The following SCN8A variants were observed in gnomAD, a reference collection of about 807,000 sequenced individuals.
SCN8A encodes sodium channel protein type 8 subunit alpha.
A neutral mutation model predicts 184.1 loss-of-function variants in SCN8A; 30 were observed. That is an observed-to-expected ratio of 0.16 (90% CI 0.12 to 0.22). SCN8A has a LOEUF of 0.22. Among genes scored for constraint, SCN8A ranks in the 10% least tolerant of loss-of-function variants. SCN8A has a pLI of 1.00. For synonymous variants in SCN8A, 852 were observed against 907.0 expected (o/e 0.94, Z 1.09); for missense variants, 1,057 against 2,498.9 (o/e 0.42, Z 12.30).
rs936797490 is a variant in SCN8A, at chr12:51,599,153, C to T, written c.-55+7794C>T. Among the ~76,000 whole-genome samples, 13 of 152,210 alleles carry T rather than the reference C, an allele frequency of 8.5e-5. No individual in the cohort carries two copies. In the East Asian group the frequency reaches 2.5e-3, roughly 29 times the overall value. On this transcript the variant is annotated intron_variant, in intron 1 of 26. Coordinates refer to ENST00000627620, the MANE Select transcript of SCN8A (RefSeq NM_001330260.2). ...AAATCGCCTGCTTGACCACATCAGTCAACAAATATTTAGCGAGTAGCAACT... is the reference window on the plus strand; with the variant it reads ...AAATCGCCTGCTTGACCACATCAGTTAACAAATATTTAGCGAGTAGCAACT...
intron 19 of SCN8A, among the ~76,000 whole-genome samples, chr12:51,771,914 A>G (rs751554870): frequency 6.6e-6 from 1 of 152,196 alleles, no homozygotes; most frequent in Non-Finnish European, 1.5e-5. Context: ...AAAAATCTAA[A>G]CAGTATGACC....
chr12:51,779,231 A>AAG (rs1422492155), intron 20 of SCN8A, among the ~76,000 whole-genome samples: 2 of 151,612 alleles, frequency 1.3e-5, no homozygotes, highest in East Asian at 1.9e-4. Flanking sequence ...AAAAAAAAAA[A>AAG]AAAAAATAGA....
chr12:51,792,649 C>T (rs1235752182), intron 25 of SCN8A, among the ~76,000 whole-genome samples: 3 of 152,006 alleles, frequency 2.0e-5, no homozygotes, highest in Non-Finnish European at 4.4e-5. Flanking sequence ...CCAGGTGTCT[C>T]CCCGTAAGCC....
intron 2 of SCN8A, among the ~76,000 whole-genome samples, chr12:51,676,294 T>C (rs1941222058): frequency 6.6e-6 from 1 of 152,194 alleles, no homozygotes; most frequent in Non-Finnish European, 1.5e-5. Flanking sequence ...ATAACCTATA[T>C]TGTAATTTTA....
intron 21 of SCN8A, among the ~76,000 whole-genome samples, chr12:51,782,570 A>G (rs1937954992): frequency 6.6e-6 from 1 of 152,222 alleles, no homozygotes; most frequent in Non-Finnish European, 1.5e-5. Flanking sequence ...TCTTCCAAAA[A>G]GAGATTGGTA....
intron 12 of SCN8A, among the ~76,000 whole-genome samples, chr12:51,740,839 G>T (rs995529907): frequency 2.6e-5 from 4 of 152,110 alleles, no homozygotes; most frequent in Admixed American, 6.5e-5. Context: ...GGTTGGAGTG[G>T]AGTGGTGCGA....
chr12:51,794,593 A>G lies in SCN8A; in HGVS notation c.4747A>G (p.Ile1583Val), dbSNP rs1321044528. The G allele has an allele frequency of 6.2e-7, 1 of 1,613,990 alleles. No homozygotes were observed. Residue 1583 changes from isoleucine (I) to valine (V), a missense_variant, in exon 26 of 27, where the codon ATT becomes GTT. By Grantham distance (29) the Ile-to-Val change is conservative. Transcript: ENST00000627620. ...MFALRHYYFT[I>V]GWNIFDFVVV... ...TGCGTTGAGGCACTACTACTTCACC[A>G]TTGGCTGGAACATCTTCGACTTCGT...
chr12:51,615,083 G>C (rs1939805736), intron 1 of SCN8A, among the ~76,000 whole-genome samples: 1 of 151,686 alleles, frequency 6.6e-6, no homozygotes, highest in Non-Finnish European at 1.5e-5. Context: ...TGGGTGGTCT[G>C]TCATTTTATT....
chr12:51,701,342 T>C, intron 8 of SCN8A, 135 bp downstream of exon 8: 3 of 470,012 alleles, frequency 6.4e-6, no homozygotes, highest in East Asian at 6.7e-5. Context: ...ACCTATCGGT[T>C]GGCATAGATT....
chr12:51,697,505 TGCAAAATACA>T (rs1941615233), intron 6 of SCN8A, among the ~76,000 whole-genome samples: 1 of 152,192 alleles, frequency 6.6e-6, no homozygotes, highest in African/African-American at 2.4e-5. Flanking sequence ...GGTGATTACT[TGCAAAATACA>T]GCAAAAGAAG....
At chr12:51,706,939 TC>T (rs1402915518) in intron 11 of SCN8A, among the ~76,000 whole-genome samples, 1 of 152,132 alleles carries the variant, frequency 6.6e-6, no homozygotes, top group African/African-American at 2.4e-5. Flanking sequence ...CTTTTTTAGC[TC>T]CCACGTATGA....
rs1942507155 is a variant in SCN8A, at chr12:51,746,045, C to G, written c.2131+10C>G. On this transcript the variant is annotated intron_variant, in intron 13 of 26. Transcript: ENST00000627620. ...AATACACTAGTAGAAGGTATGTGCC[C>G]TATAATGTCAGTCCAACCGCTGAGA... The G allele has an allele frequency of 1.3e-6, 2 of 1,581,716 alleles. No individual in the cohort carries two copies. The highest frequency in any genetic ancestry group is 1.7e-6 in the Non-Finnish European group (2 of 1,165,694).
At position 51,678,339 on chromosome 12, in the gene SCN8A, A is replaced by T. The variant is rs190250337; in HGVS notation, c.277-5835A>T. Among the ~76,000 whole-genome samples, 90 of 152,352 alleles carry T rather than the reference A, an allele frequency of 5.9e-4. 1 individual carries two copies. The highest frequency in any genetic ancestry group is 2.1e-3 in the African/African-American group (86 of 41,580). The stretch of plus-strand genomic sequence containing the variant: ...TACTATCAAGCACTGTTGACCCTGG[A>T]CTTGACAGACTTCAACATAAGGAAG... On this transcript the variant is annotated intron_variant, in intron 2 of 26. Transcript: ENST00000627620.
At chr12:51,609,359 T>C (rs1939666630) in intron 1 of SCN8A, among the ~76,000 whole-genome samples, 1 of 152,234 alleles carries the variant, frequency 6.6e-6, no homozygotes, top group Admixed American at 6.5e-5. Context: ...ACTTTCTGTC[T>C]TGATGACCTG....
chr12:51,650,208 C>G (rs967956665), intron 1 of SCN8A, among the ~76,000 whole-genome samples: 1 of 152,188 alleles, frequency 6.6e-6, no homozygotes, highest in Non-Finnish European at 1.5e-5. Context: ...GGCCTCTGGT[C>G]AAAGCCATTC....
chr12:51,604,407 C>T (rs148353222), intron 1 of SCN8A, among the ~76,000 whole-genome samples: 1 of 152,156 alleles, frequency 6.6e-6, no homozygotes, highest in Non-Finnish European at 1.5e-5. Context: ...GCTCTCTCTT[C>T]TGTTCCATCA....
Position 51,686,460 on chromosome 12 carries a change from A to G in SCN8A, c.485+3A>G. ...CCTGACTGGTCGAAGAATGTGGAGT[A>G]AGTAACTCATTTATGTGTGTGCTTG... On this transcript the variant is annotated splice_donor_region_variant and intron_variant, in intron 4 of 26. Coordinates refer to ENST00000627620, the MANE Select transcript of SCN8A (RefSeq NM_001330260.2). The G allele has an allele frequency of 6.4e-7, 1 of 1,574,668 alleles. No homozygotes were observed. The highest frequency in any genetic ancestry group is 8.7e-7 in the Non-Finnish European group (1 of 1,144,554).
chr12:51,761,677 T>C (rs1942764621), intron 14 of SCN8A, among the ~76,000 whole-genome samples: 1 of 151,826 alleles, frequency 6.6e-6, no homozygotes, highest in Non-Finnish European at 1.5e-5. Flanking sequence ...TTTGTAGAGA[T>C]GGGTTTTCAC....
At chr12:51,639,879 C>CTTTGTTTTTTTTTTTTTTTTTT (rs1940406973) in intron 1 of SCN8A, among the ~76,000 whole-genome samples, 1 of 15,078 alleles carries the variant, frequency 6.6e-5, no homozygotes, top group Non-Finnish European at 1.1e-4. Context: ...AAGGTATATG[C>CTTTGTTTTTTTTTTTTTTTTTT]TTTTTTTTTT....
Sources: allele counts gnomAD v4.1 joint callset (sites outside exome capture counted in the v4.1 genomes callset), GRCh38; gene constraint gnomAD v4.1.1; transcripts MANE v1.5; gene names NCBI Gene and HGNC (gene_info 2026-07-23, HGNC 2026-07-21).